Variants in RBMS3 observed in about 807,000 individuals in gnomAD.
RBMS3 encodes the protein RNA binding motif single stranded interacting protein 3.
In RBMS3, 27 loss-of-function variants were observed where a neutral mutation model predicts 66.8. The observed-to-expected ratio is 0.40, with a 90% CI of 0.30 to 0.56. The LOEUF (loss-of-function observed/expected upper bound fraction) is 0.56. Ranked by LOEUF, RBMS3 falls within the 20% of genes least tolerant of loss-of-function variation. The pLI is 0.40. For synonymous variants in RBMS3, 188 were observed against 183.0 expected, an observed-to-expected ratio of 1.03 and a Z score of -0.22; for missense variants, 513 against 549.5, an observed-to-expected ratio of 0.93 and a Z score of 0.66.
At chr3:29,610,496 C>A (rs1435962684) in intron 4 of RBMS3, among the ~76,000 whole-genome samples, 1 of 151,976 alleles carries the variant, frequency 6.6e-6, no homozygotes, top group Non-Finnish European at 1.5e-5. Flanking sequence ...ATTCACTTAT[C>A]GCCCCTTCTT....
intron 1 of RBMS3, among the ~76,000 whole-genome samples, chr3:29,392,222 C>T (rs954025920): frequency 2.0e-5 from 3 of 152,056 alleles, no homozygotes; most frequent in Admixed American, 6.6e-5. Context: ...TGCACTCCAG[C>T]CTGGGCAACA....
At chr3:29,996,316 A>G (rs1434072593) in intron 14 of RBMS3, among the ~76,000 whole-genome samples, 1 of 150,938 alleles carries the variant, frequency 6.6e-6, no homozygotes, top group South Asian at 2.1e-4. Context: ...CACATTAATA[A>G]TGGGAGACTT....
rs1183033248 is a variant in RBMS3 at position 29,992,952 on chromosome 3, C to CAGTAGCCTGACTAAAAGTTGAGCAAGA, written c.1307+1746_1307+1772dup. 1.1e-4 allele frequency among the ~76,000 whole-genome samples: 16 copies of CAGTAGCCTGACTAAAAGTTGAGCAAGA among 152,276 alleles called. No individual in the cohort carries two copies. In the South Asian group the frequency reaches 3.3e-3, roughly 32 times the overall value. On this transcript the variant is annotated intron_variant, in intron 14 of 14. Coordinates refer to ENST00000383767, the MANE Select transcript of RBMS3 (RefSeq NM_001003793.3). ...TCTACGCCTACTCAAGAAGGGGACT[C>CAGTAGCCTGACTAAAAGTTGAGCAAGA]AGTAGCCTGACTAAAAGTTGAGCAA...
At chr3:29,323,512 C>G (rs2035129084) in intron 1 of RBMS3, among the ~76,000 whole-genome samples, 1 of 151,992 alleles carries the variant, frequency 6.6e-6, no homozygotes, top group Non-Finnish European at 1.5e-5. Flanking sequence ...TTATTTTGAT[C>G]TTTATATGGC....
intron 3 of RBMS3, among the ~76,000 whole-genome samples, chr3:29,559,208 A>G (rs1009825844): frequency 2.6e-5 from 4 of 152,082 alleles, no homozygotes; most frequent in African/African-American, 9.7e-5. Flanking sequence ...ATAATTGTGC[A>G]TTAATTTTAT....
At chr3:29,302,071 ATGGT>A (rs1204160515) in intron 1 of RBMS3, among the ~76,000 whole-genome samples, 1 of 152,000 alleles carries the variant, frequency 6.6e-6, no homozygotes. Context: ...GTGCAGTGGT[ATGGT>A]CATGGCTCAC....
intron 5 of RBMS3, among the ~76,000 whole-genome samples, chr3:29,754,826 C>T (rs918571232): frequency 1.2e-4 from 18 of 152,160 alleles, no homozygotes; most frequent in African/African-American, 3.9e-4. Flanking sequence ...ATTCATTGCT[C>T]TTTGTGTCAC....
Sources: allele counts gnomAD v4.1 joint callset (sites outside exome capture counted in the v4.1 genomes callset), GRCh38; gene constraint gnomAD v4.1.1; transcripts MANE v1.5; gene names NCBI Gene and HGNC (gene_info 2026-07-23, HGNC 2026-07-21).